The following FBXO36 variants were observed in gnomAD, a reference collection of about 807,000 sequenced individuals.
The protein encoded by FBXO36 is F-box only protein 36.
A neutral mutation model predicts 17.0 loss-of-function variants in FBXO36; 18 were observed. The observed-to-expected ratio is 1.06, with a 90% CI of 0.73 to 1.57. FBXO36 has a LOEUF of 1.57. FBXO36 is among the 40% of genes most tolerant of loss of function. The pLI is 0.00. For missense variants in FBXO36, 229 were observed against 221.9 expected, an observed-to-expected ratio of 1.03 and a Z score of -0.20; for synonymous variants, 83 against 85.3, an observed-to-expected ratio of 0.97 and a Z score of 0.15.
At chr2:229,990,275 T>TTA (rs1386934999) in intron 2 of FBXO36, among the ~76,000 whole-genome samples, 1 of 149,612 alleles carries the variant, frequency 6.7e-6, no homozygotes, top group Non-Finnish European at 1.5e-5. Flanking sequence ...CACACACACT[T>TTA]TATATATATA....
intron 1 of FBXO36, among the ~76,000 whole-genome samples, chr2:229,971,947 G>C (rs2077182395): frequency 6.6e-6 from 1 of 151,362 alleles, no homozygotes; most frequent in South Asian, 2.1e-4. Context: ...CAAAGTGCTG[G>C]GATTGCAGAC....
intron 1 of FBXO36, among the ~76,000 whole-genome samples, chr2:229,974,248 TTA>T (rs2077196140): frequency 6.6e-6 from 1 of 152,128 alleles, no homozygotes; most frequent in Admixed American, 6.5e-5. Context: ...AACTCTGTGT[TTA>T]TGAGTTAGCA....
intron 3 of FBXO36, among the ~76,000 whole-genome samples, chr2:230,001,313 A>T (rs2077357446): frequency 6.6e-6 from 1 of 151,452 alleles, no homozygotes; most frequent in Non-Finnish European, 1.5e-5. Context: ...TTTGAGACAG[A>T]GTCTCGCTCT....
At chr2:230,008,095 G>T (rs1467857090) in intron 3 of FBXO36, among the ~76,000 whole-genome samples, 2 of 152,144 alleles carry the variant, frequency 1.3e-5, no homozygotes, top group Admixed American at 6.5e-5. Flanking sequence ...GACTCTAGAA[G>T]GCTGGAAGCT....
At chr2:229,982,778 CAAAAAA>C (rs58999886) in intron 2 of FBXO36, among the ~76,000 whole-genome samples, 1 of 78,756 alleles carries the variant, frequency 1.3e-5, no homozygotes, top group Non-Finnish European at 2.5e-5. Flanking sequence ...GAGCTTGTCT[CAAAAAA>C]AAAAAAAAAA....
At chr2:229,943,062 T>C (rs2077008221) in intron 1 of FBXO36, 1 of 152,290 alleles carries the variant, frequency 6.6e-6, no homozygotes, top group Non-Finnish European at 1.5e-5. Flanking sequence ...AATGAGATGC[T>C]TAAGAAAGGC....
intron 1 of FBXO36, among the ~76,000 whole-genome samples, chr2:229,947,968 G>A (rs1323003440): frequency 6.6e-6 from 1 of 152,132 alleles, no homozygotes; most frequent in African/African-American, 2.4e-5. Context: ...AGATTACCTA[G>A]ACAGAGGAGG....
chr2:229,944,893 C>G (rs1322435853), intron 1 of FBXO36, among the ~76,000 whole-genome samples: 1 of 151,770 alleles, frequency 6.6e-6, no homozygotes, highest in Non-Finnish European at 1.5e-5. Flanking sequence ...ACACCCAGCC[C>G]CAAAACTGAT....
At chr2:229,939,918 C>CA (rs1282872062) in intron 1 of FBXO36, among the ~76,000 whole-genome samples, 1 of 152,126 alleles carries the variant, frequency 6.6e-6, no homozygotes, top group African/African-American at 2.4e-5. Context: ...CACGTCTCTA[C>CA]AAAAACATAC....
chr2:229,958,642 CTATAAAG>C (rs2077104749), intron 1 of FBXO36, among the ~76,000 whole-genome samples: 1 of 152,070 alleles, frequency 6.6e-6, no homozygotes, highest in African/African-American at 2.4e-5. Context: ...GGTCAGGCCT[CTATAAAG>C]TATGTGTTAG....
intron 1 of FBXO36, among the ~76,000 whole-genome samples, chr2:229,935,791 T>C (rs2076960785): frequency 6.6e-6 from 1 of 152,212 alleles, no homozygotes; most frequent in South Asian, 2.1e-4. Flanking sequence ...AATGTTCAAG[T>C]ATCTTCTGTG....
At chr2:229,998,077 A>G (rs971434836) in intron 3 of FBXO36, among the ~76,000 whole-genome samples, 7 of 152,206 alleles carry the variant, frequency 4.6e-5, no homozygotes, top group African/African-American at 1.4e-4. Flanking sequence ...TCCATTTATA[A>G]AAGAACATAC....
intron 1 of FBXO36, among the ~76,000 whole-genome samples, chr2:229,954,416 T>A (rs557495627): frequency 1.1e-4 from 17 of 150,174 alleles, no homozygotes; most frequent in Non-Finnish European, 4.4e-5. Context: ...CTAATTTTTT[T>A]ATTTTTAGTA....
intron 1 of FBXO36, among the ~76,000 whole-genome samples, chr2:229,964,884 C>T (rs2077143023): frequency 6.6e-6 from 1 of 152,120 alleles, no homozygotes; most frequent in Non-Finnish European, 1.5e-5. Flanking sequence ...TACCTGTTTA[C>T]CAGTTGATGT....
intron 1 of FBXO36, among the ~76,000 whole-genome samples, chr2:229,966,316 C>T (rs1314225340): frequency 4.6e-5 from 7 of 152,106 alleles, no homozygotes; most frequent in Non-Finnish European, 1.0e-4. Flanking sequence ...AAATTTTCTC[C>T]CGTTCTGTAG....
chr2:230,010,585 A>G (rs1577369092), intron 3 of FBXO36, 111 bp from the exon 4 acceptor site: 1 of 944,064 alleles, frequency 1.1e-6, no homozygotes, highest in Non-Finnish European at 1.5e-6. Context: ...TCAAGGCAGG[A>G]CCTGTGTCTG....
intron 1 of FBXO36, among the ~76,000 whole-genome samples, chr2:229,953,244 C>T (rs2077066781): frequency 6.6e-6 from 1 of 152,020 alleles, no homozygotes; most frequent in African/African-American, 2.4e-5. Context: ...AAGGCTGAAG[C>T]AGGAGAATTG....
intron 1 of FBXO36, 132 bp downstream of exon 1, chr2:229,922,741 G>A (rs1338826813): frequency 2.3e-6 from 2 of 881,454 alleles, no homozygotes; most frequent in Admixed American, 2.8e-5. Flanking sequence ...TCCGCGCCGG[G>A]AGATTTTCCT....
chr2:229,987,250 C>T (rs1036495124), intron 2 of FBXO36, among the ~76,000 whole-genome samples: 5 of 151,740 alleles, frequency 3.3e-5, no homozygotes, highest in African/African-American at 1.2e-4. Flanking sequence ...GACTCAATAC[C>T]ACTAACAAAA....
Sources: allele counts gnomAD v4.1 joint callset (sites outside exome capture counted in the v4.1 genomes callset), GRCh38; gene constraint gnomAD v4.1.1; transcripts MANE v1.5; gene names NCBI Gene and HGNC (gene_info 2026-07-23, HGNC 2026-07-21).